Variants in ZNF250 observed in about 807,000 individuals in gnomAD.
The protein encoded by ZNF250 is zinc finger protein 250.
ZNF250 carries 13 observed loss-of-function variants against 37.1 expected under a neutral mutation model. The observed-to-expected ratio is 0.35, with a 90% CI of 0.23 to 0.56. The LOEUF (loss-of-function observed/expected upper bound fraction) is 0.56. Among genes scored for constraint, ZNF250 ranks in the 20% least tolerant of loss-of-function variants. The probability of loss-of-function intolerance (pLI) is 0.87; values close to 1 mark genes in which losing one functional copy is unlikely to be tolerated. For missense variants in ZNF250, 474 were observed against 697.9 expected (o/e 0.68, Z 3.61); for synonymous variants, 251 against 265.6 (o/e 0.94, Z 0.54).
At chr8:144,884,222 C>G (rs139976343) in intron 5 of ZNF250, among the ~76,000 whole-genome samples, 1,981 of 152,166 alleles carry the variant, frequency 0.013, 31 homozygotes, top group Non-Finnish European at 0.022. Flanking sequence ...GTTAAAATAC[C>G]ATAGTTTATT....
intron 5 of ZNF250, among the ~76,000 whole-genome samples, chr8:144,885,232 G>A (rs893136331): frequency 1.3e-4 from 20 of 152,128 alleles, no homozygotes; most frequent in Non-Finnish European, 2.1e-4. Flanking sequence ...CGATTCTCCT[G>A]CCTCAGCCTC....
chr8:144,899,720 A>G (rs1008824744), intron 1 of ZNF250, among the ~76,000 whole-genome samples: 1 of 152,196 alleles, frequency 6.6e-6, no homozygotes, highest in African/African-American at 2.4e-5. Context: ...ATATGACAAA[A>G]GCGGTTTTTC....
At chr8:144,894,252 C>T (rs1009400475) in intron 1 of ZNF250, among the ~76,000 whole-genome samples, 2 of 152,068 alleles carry the variant, frequency 1.3e-5, no homozygotes, top group African/African-American at 4.8e-5. Context: ...TGACAACCAC[C>T]CCTAGATGTT....
At position 144,881,223 on chromosome 8, in the gene ZNF250, GT is replaced by G. The variant is rs1346400726; in HGVS notation, c.*291del. 3.5e-6 allele frequency: 1 copy of G among 282,262 alleles called. No homozygotes were observed. Among genetic ancestry groups the G allele is most frequent in the African/African-American group, 2.2e-5 (1 of 45,552 alleles). 17.5% of individuals were successfully genotyped at this position (282,262 alleles called of 1,614,324 possible). A position where few individuals can be genotyped will look rare whatever the true frequency, so the allele number is the denominator to read the frequency against. ...GGTTCTTATGCCTTAAATTCCCTTA[GT>G]TCAAATAAACTAATGTTAAAGAATT... On this transcript the variant is annotated 3_prime_UTR_variant, in exon 6 of 6. Transcript: ENST00000417550.
intron 1 of ZNF250, among the ~76,000 whole-genome samples, chr8:144,896,295 T>A (rs1303179384): frequency 6.6e-6 from 1 of 151,932 alleles, no homozygotes; most frequent in East Asian, 1.9e-4. Context: ...TGCAGTAAGC[T>A]GTAACTGCAC....
chr8:144,877,721 T>C lies in ZNF250; in HGVS notation c.*3794A>G, dbSNP rs971980149. 5 of 152,198 alleles carry C rather than the reference T, an allele frequency of 3.3e-5. No individual in the cohort carries two copies. Among genetic ancestry groups the C allele is most frequent in the African/African-American group, 1.2e-4 (5 of 41,440 alleles). 9.4% of individuals were successfully genotyped at this position (152,198 alleles called of 1,614,324 possible). A position where few individuals can be genotyped will look rare whatever the true frequency, so the allele number is the denominator to read the frequency against. ...CCAGTGGATCAATGGCAGCCTGACA[T>C]AGCAAGAACAGGCAGAATGATATTA... On this transcript the variant is annotated 3_prime_UTR_variant, in exon 6 of 6. Coordinates refer to ENST00000417550, the MANE Select transcript of ZNF250 (RefSeq NM_001109689.4).
intron 1 of ZNF250, among the ~76,000 whole-genome samples, chr8:144,894,585 C>A (rs944926840): frequency 6.7e-6 from 1 of 148,514 alleles, no homozygotes; most frequent in African/African-American, 2.5e-5. Flanking sequence ...AATCAGTGGT[C>A]GACCTTTTTT....
At chr8:144,899,497 CATAAA>C (rs780777997) in intron 1 of ZNF250, among the ~76,000 whole-genome samples, 1 of 151,980 alleles carries the variant, frequency 6.6e-6, no homozygotes, top group African/African-American at 2.4e-5. Flanking sequence ...ACATGTATCC[CATAAA>C]TGTGTATAAT....
chr8:144,886,685 A>T (rs535110637), intron 5 of ZNF250, among the ~76,000 whole-genome samples, 155 bp downstream of exon 5: 23 of 152,236 alleles, frequency 1.5e-4, no homozygotes, highest in Non-Finnish European at 3.1e-4. Context: ...TTTAAAAATT[A>T]AAAACACAAA....
rs530551057 is a variant in ZNF250 at position 144,890,782 on chromosome 8, G to A, written c.-54-379C>T. 2.2e-4 allele frequency among the ~76,000 whole-genome samples: 33 copies of A among 152,268 alleles called. No homozygotes were observed. In the South Asian group the frequency reaches 3.9e-3, roughly 18 times the overall value. ...CCCTCACACAAGTACCAGACTGTCC[G>A]CAAGTCATGTGGGGGATACAGGCAT... On this transcript the variant is annotated intron_variant, in intron 1 of 5. Coordinates refer to ENST00000417550, the MANE Select transcript of ZNF250 (RefSeq NM_001109689.4). This position sits in a 1 kb window ranked among gnomAD's most constrained non-coding sequence, Gnocchi z 5.1.
At position 144,881,433 on chromosome 8, in the gene ZNF250, A is replaced by G. The variant is rs1831458667; in HGVS notation, c.*82T>C. ...CAAAGAAAAGCTTCCTATAGAGTTA[A>G]CAGAGACTTCTCTTGGGCTGAAGGC... On this transcript the variant is annotated 3_prime_UTR_variant, in exon 6 of 6. Coordinates refer to ENST00000417550, the MANE Select transcript of ZNF250 (RefSeq NM_001109689.4). 2 of 1,484,504 alleles carry G rather than the reference A, an allele frequency of 1.3e-6. No individual in the cohort carries two copies. Among genetic ancestry groups the G allele is most frequent in the Non-Finnish European group, 1.8e-6 (2 of 1,116,840 alleles). The allele number at this position is 1,484,504 out of a possible 1,614,324, so 92.0% of individuals were successfully genotyped here.
chr8:144,889,728 A>G (rs757507786), intron 3 of ZNF250, 34 bp from the exon 4 acceptor site: 5 of 1,594,124 alleles, frequency 3.1e-6, no homozygotes, highest in African/African-American at 2.7e-5. Context: ...TGTTTACACA[A>G]CATTTACAGA....
chr8:144,877,242 A>G lies in ZNF250; in HGVS notation c.*4273T>C, dbSNP rs1227872649. 1 of 152,002 alleles carries G rather than the reference A, an allele frequency of 6.6e-6. No individual in the cohort carries two copies. Among genetic ancestry groups the G allele is most frequent in the Non-Finnish European group, 1.5e-5 (1 of 68,030 alleles). 9.4% of individuals were successfully genotyped at this position (152,002 alleles called of 1,614,324 possible). A position where few individuals can be genotyped will look rare whatever the true frequency, so the allele number is the denominator to read the frequency against. On this transcript the variant is annotated 3_prime_UTR_variant, in exon 6 of 6. Transcript: ENST00000417550. The stretch of plus-strand genomic sequence containing the variant: ...TCTGGGACTACAGGCGCAAGCCACA[A>G]CACCCAGCTAATTTTTTTTTTGTAG...
chr8:144,882,948 T>C lies in ZNF250; in HGVS notation c.347-112A>G, dbSNP rs990742083. On this transcript the variant is annotated intron_variant, in intron 5 of 5. Coordinates refer to ENST00000417550, the MANE Select transcript of ZNF250 (RefSeq NM_001109689.4). The surrounding 1 kb of genome is among the most constrained non-coding windows in gnomAD (Gnocchi z 5.5). ...GGTGCAAAATCCCTCAATGCACACG[T>C]TGGTGTGAGCTACAGAAGAACAGAA... 11 of 1,177,056 alleles carry C rather than the reference T, an allele frequency of 9.3e-6. No individual in the cohort carries two copies. Among genetic ancestry groups the C allele is most frequent in the African/African-American group, 3.1e-5 (2 of 65,076 alleles). 72.9% of individuals were successfully genotyped at this position (1,177,056 alleles called of 1,614,324 possible). A position where few individuals can be genotyped will look rare whatever the true frequency, so the allele number is the denominator to read the frequency against.
rs1322337501 is a variant in ZNF250 at position 144,889,976 on chromosome 8, G to A, written c.126C>T (p.Tyr42=). 7.2e-5 allele frequency: 116 copies of A among 1,612,878 alleles called. No homozygotes were observed. The highest frequency in any genetic ancestry group is 9.8e-5 in the Non-Finnish European group (115 of 1,179,276). ...CATAGGTTTCCATCATCACATTTCT[G>A]TAGAGACCCCTCTGAGCAGGGCACA... The part of the protein sequence containing the change: ...DRLCPAQRGL[Y]RNVMMETYGN... Residue 42 remains tyrosine, a synonymous_variant, in exon 3 of 6, where the codon TAC becomes TAT. Transcript: ENST00000417550.
intron 5 of ZNF250, among the ~76,000 whole-genome samples, chr8:144,883,100 A>C (rs1198092358): frequency 2.0e-5 from 3 of 152,236 alleles, no homozygotes; most frequent in Non-Finnish European, 2.9e-5. Context: ...TGGAGTCCAC[A>C]GAACAGCAGG....
At position 144,901,112 on chromosome 8, in the gene ZNF250, C is replaced by G. The variant is rs1343979642; in HGVS notation, c.-55+287G>C. Among the ~76,000 whole-genome samples the G allele has an allele frequency of 2.4e-5, 3 of 126,772 alleles. No individual in the cohort carries two copies. The highest frequency in any genetic ancestry group is 3.4e-5 in the Non-Finnish European group (2 of 59,228). The allele number at this position is 126,772 out of a possible 152,430, so 83.2% of individuals were successfully genotyped here. A position where few individuals can be genotyped will look rare whatever the true frequency, so the allele number is the denominator to read the frequency against. The stretch of plus-strand genomic sequence containing the variant: ...CTGACGGGGCCCAAGGGGGTAGGGG[C>G]GGGGAAGGGACCGAGGCCGTCCGAG... On this transcript the variant is annotated intron_variant, in intron 1 of 5. Coordinates refer to ENST00000417550, the MANE Select transcript of ZNF250 (RefSeq NM_001109689.4). This position sits in a 1 kb window ranked among gnomAD's most constrained non-coding sequence, Gnocchi z 5.4.
intron 5 of ZNF250, among the ~76,000 whole-genome samples, chr8:144,886,531 T>C (rs1831894348): frequency 6.6e-6 from 1 of 152,140 alleles, no homozygotes; most frequent in African/African-American, 2.4e-5. Flanking sequence ...GTTTTGGTTG[T>C]TAAGTATAAA....
Position 144,886,888 on chromosome 8 carries a change from C to A in ZNF250, c.298G>T (p.Asp100Tyr). ...WSDYSDNLKY[D>Y]HTTACTQQDS... ...TGTTGTGTACAGGCTGTAGTGTGGT[C>A]ATATTTGAGGTTGTCTGGAAAAAAA... Residue 100 changes from aspartate (D) to tyrosine (Y), a missense_variant, in exon 5 of 6, where the codon GAC becomes TAC. By Grantham distance (160) the Asp-to-Tyr change is radical. Around this residue, in one of 2 missense-constraint regions of ZNF250, gnomAD observed 192 missense variants for 227.5 expected, o/e 0.84. Coordinates refer to ENST00000417550, the MANE Select transcript of ZNF250 (RefSeq NM_001109689.4). The A allele has an allele frequency of 6.2e-7, 1 of 1,613,302 alleles. No individual in the cohort carries two copies. The highest frequency in any genetic ancestry group is 1.1e-5 in the South Asian group (1 of 90,998).
Sources: allele counts gnomAD v4.1 joint callset (sites outside exome capture counted in the v4.1 genomes callset), GRCh38; gene constraint gnomAD v4.1.1; regional missense constraint gnomAD v4.1.1; non-coding constraint Gnocchi (gnomAD v3.1); transcripts MANE v1.5; gene names NCBI Gene and HGNC (gene_info 2026-07-23, HGNC 2026-07-21).